Variants in MYBBP1A observed in about 807,000 individuals in gnomAD.
MYBBP1A encodes the protein MYB binding protein 1a.
In MYBBP1A, 147 loss-of-function variants were observed where a neutral mutation model predicts 136.3. The observed-to-expected ratio is 1.08, with a 90% confidence interval of 0.94 to 1.24. MYBBP1A has a LOEUF of 1.24. Among genes scored for constraint, MYBBP1A ranks in the 50% most tolerant of loss-of-function variants. The pLI is 0.00. For missense variants in MYBBP1A, 2,060 were observed against 1,727.4 expected (o/e 1.19, Z -3.41); for synonymous variants, 947 against 735.8 (o/e 1.29, Z -4.65).
At chr17:4,553,786 C>T (rs749940930) in intron 5 of MYBBP1A, 24 bp downstream of exon 5, 2 of 1,592,276 alleles carry the variant, frequency 1.3e-6, no homozygotes, top group Admixed American at 1.7e-5. Context: ...GTTGCCTGGG[C>T]CCGCACAGCT....
intron 22 of MYBBP1A, 54 bp from the exon 23 acceptor site, chr17:4,541,945 G>T: frequency 6.9e-7 from 1 of 1,453,276 alleles, no homozygotes; most frequent in Non-Finnish European, 9.6e-7. Context: ...GGTGCTCACG[G>T]CTCAGGGATG....
In MYBBP1A at chr17:4,550,062, G is replaced by T; in HGVS notation, c.1315C>A (p.His439Asn). The change falls in exon 9 of 26, where the codon CAC becomes AAC. Residue 439 changes from histidine (H) to asparagine (N), a missense_variant. His to Asn is a moderately conservative substitution (Grantham distance 68, BLOSUM62 1). Transcript: ENST00000254718. ...CCTCCCCCAAGGTCCACTCACATGT[G>T]GAGCGATGAATCCTGGGCTTTCTTC... Reference protein sequence around the residue: ...NQKKAQDSSLHMPERAVFRLR... With the variant: ...NQKKAQDSSLNMPERAVFRLR... The T allele has an allele frequency of 6.2e-7, 1 of 1,610,400 alleles. No homozygotes were observed. Among genetic ancestry groups the T allele is most frequent in the Non-Finnish European group, 8.5e-7 (1 of 1,177,432 alleles).
intron 8 of MYBBP1A, among the ~76,000 whole-genome samples, chr17:4,550,788 CA>C (rs1424030902): frequency 6.6e-6 from 1 of 152,262 alleles, no homozygotes. Context: ...TCTTCGGGAC[CA>C]AAAACAACCA....
At position 4,548,322 on chromosome 17, in the gene MYBBP1A, A is replaced by G. The variant is rs1374228759; in HGVS notation, c.1557-12T>C. The stretch of plus-strand genomic sequence containing the variant: ...GGGTCTGCAACAGACTGGGCAAGGG[A>G]TGGGGCTTGGGGTCAGCAGACCAGA... On this transcript the variant is annotated splice_polypyrimidine_tract_variant and intron_variant, in intron 11 of 25. Coordinates refer to ENST00000254718, the MANE Select transcript of MYBBP1A (RefSeq NM_014520.4). The surrounding 1 kb of genome is among the most constrained non-coding windows in gnomAD (Gnocchi z 4.2). 6.2e-7 allele frequency: 1 copy of G among 1,610,886 alleles called. No individual in the cohort carries two copies.
intron 2 of MYBBP1A, among the ~76,000 whole-genome samples, chr17:4,554,647 C>T (rs1907864230): frequency 6.6e-6 from 1 of 152,192 alleles, no homozygotes; most frequent in African/African-American, 2.4e-5. Flanking sequence ...GCCGGGCAAC[C>T]CAAGCACCAA....
Position 4,544,823 on chromosome 17 carries a change from A to C in MYBBP1A, c.2409T>G (p.Arg803=), listed in dbSNP as rs1230352003. ...TCTTCTCGTCTCGCCGGGCCTGGAT[A>C]CGCAGCTTCTGCTCGGCAAAGAGGC... ...LASLFAEQKL[R]IQARRDEKNK... The change falls in exon 18 of 26, where the codon CGT becomes CGG. Residue 803 remains arginine (R), a synonymous_variant. Coordinates refer to ENST00000254718, the MANE Select transcript of MYBBP1A (RefSeq NM_014520.4). 6.2e-7 allele frequency: 1 copy of C among 1,606,132 alleles called. No individual in the cohort carries two copies. Among genetic ancestry groups the C allele is most frequent in the South Asian group, 1.1e-5 (1 of 89,366 alleles).
chr17:4,540,793 G>A (rs112659707), intron 24 of MYBBP1A, among the ~76,000 whole-genome samples: 2 of 151,964 alleles, frequency 1.3e-5, no homozygotes, highest in African/African-American at 4.8e-5. Context: ...CTCCATCACC[G>A]CGGGGCTGCC....
Position 4,539,479 on chromosome 17 carries a change from C to G in MYBBP1A, c.3923G>C (p.Ser1308Thr), listed in dbSNP as rs766628903. 3 of 1,614,168 alleles carry G rather than the reference C, an allele frequency of 1.9e-6. No individual in the cohort carries two copies. Among genetic ancestry groups the G allele is most frequent in the Non-Finnish European group, 2.5e-6 (3 of 1,180,032 alleles). Residue 1308 changes from serine to threonine, a missense_variant, in exon 26 of 26, where the codon AGT becomes ACT. By Grantham distance (58) the Ser-to-Thr change is moderately conservative. Transcript: ENST00000254718. ...GGCCCCACTCTGAAGCAGGCTGGGA[C>G]TCCTGATGACCAAAGACAGCCTTGC... ...KKARLSLVIR[S>T]PSLLQSGAKK...
In MYBBP1A at chr17:4,554,296, G is replaced by A. The variant is rs747826805; in HGVS notation, c.295-18C>T. 3.7e-6 allele frequency: 6 copies of A among 1,611,610 alleles called. No homozygotes were observed. The Admixed American group carries it at 8.3e-5, about 22-fold the overall frequency. On this transcript the variant is annotated intron_variant, in intron 2 of 25. Transcript: ENST00000254718. ...TGTAACAGCTGCCAGGAGTTGTGTG[G>A]CAGGAGGAAGAGGGTTCAGGAGAGT...
At chr17:4,545,402 C>T in intron 15 of MYBBP1A, 57 bp from the exon 16 acceptor site, 1 of 1,597,818 alleles carries the variant, frequency 6.3e-7, no homozygotes, top group South Asian at 1.1e-5. Context: ...CTCTCCAGGC[C>T]CCACTCAGCC....
At position 4,552,840 on chromosome 17, in the gene MYBBP1A, A is replaced by AT. The variant is rs58061056; in HGVS notation, c.562-215dup. On this transcript the variant is annotated intron_variant, in intron 5 of 25. Coordinates refer to ENST00000254718, the MANE Select transcript of MYBBP1A (RefSeq NM_014520.4). The surrounding 1 kb of genome is among the most constrained non-coding windows in gnomAD (Gnocchi z 4.7). ...TGGAGGTACCTGCCCCCCACCCCTT[A>AT]TTTTTTTTTTTTAAGACAGAGTCTC... is the stretch of plus-strand genomic sequence containing the variant. 0.024 allele frequency among the ~76,000 whole-genome samples: 3,478 copies of AT among 147,982 alleles called. 147 individuals carry two copies. Among genetic ancestry groups the AT allele is most frequent in the African/African-American group, 0.082 (3,309 of 40,114 alleles).
At position 4,548,222 on chromosome 17, in the gene MYBBP1A, C is replaced by A; in HGVS notation, c.1645G>T (p.Ala549Ser). Residue 549 changes from alanine to serine, a missense_variant, in exon 12 of 26, where the codon GCA (alanine) becomes TCA (serine). By Grantham distance (99) the Ala-to-Ser change is moderately conservative. Coordinates refer to ENST00000254718, the MANE Select transcript of MYBBP1A (RefSeq NM_014520.4). This position sits in a 1 kb window ranked among gnomAD's most constrained non-coding sequence, Gnocchi z 4.2. ...TGGCTGTGATTCAACAGGAGGTCTG[C>A]GAACTGCACCAGGTGGTAGGTCCAG... is the stretch of plus-strand genomic sequence containing the variant. ...QPWTYHLVQF[A>S]DLLLNHSHNV... 1.9e-6 allele frequency: 3 copies of A among 1,610,368 alleles called. No homozygotes were observed. The highest frequency in any genetic ancestry group is 1.7e-6 in the Non-Finnish European group (2 of 1,179,948).
In MYBBP1A at chr17:4,541,558, G is replaced by C. The variant is rs573540438; in HGVS notation, c.3202C>G (p.Arg1068Gly). 3.7e-5 allele frequency: 59 copies of C among 1,611,906 alleles called. 1 individual carries two copies. In the Admixed American group the frequency reaches 9.0e-4, roughly 25 times the overall value. ...TTGGTCTGCGCCTCCCCCAGCACGC[G>C]CAAGTTCTAGGGAAGGGTGGCCAGG... ...QVLAKVTENLRVLGEAQTKAQ... is the reference protein window; with the variant it reads ...QVLAKVTENLGVLGEAQTKAQ... The change falls in exon 24 of 26, where the codon CGC (arginine) becomes GGC (glycine). Residue 1068 changes from arginine to glycine, a missense_variant. Coordinates refer to ENST00000254718, the MANE Select transcript of MYBBP1A (RefSeq NM_014520.4).
At position 4,542,921 on chromosome 17, in the gene MYBBP1A, C is replaced by T. The variant is rs145116086; in HGVS notation, c.2884G>A (p.Gly962Ser). The change falls in exon 20 of 26, where the codon GGC becomes AGC. Residue 962 changes from glycine to serine, a missense_variant. By Grantham distance (56) the Gly-to-Ser change is moderately conservative. Coordinates refer to ENST00000254718, the MANE Select transcript of MYBBP1A (RefSeq NM_014520.4). Reference protein sequence around the residue: ...AGTDPSHMPTGPQAASCLDLN... With the variant: ...AGTDPSHMPTSPQAASCLDLN... The stretch of plus-strand genomic sequence containing the variant: ...GGCCAGGCCCTGCTCACCTGCGGGC[C>T]CGTGGGCATGTGGCTGGGGTCAGTG... The T allele has an allele frequency of 4.2e-4, 672 of 1,613,806 alleles. 1 individual carries two copies. Among genetic ancestry groups the T allele is most frequent in the Middle Eastern group, 3.3e-4 (2 of 6,054 alleles).
In MYBBP1A at chr17:4,541,911, G is replaced by T. The variant is rs752784636; in HGVS notation, c.3088-20C>A. 6 of 1,602,518 alleles carry T rather than the reference G, an allele frequency of 3.7e-6. No individual in the cohort carries two copies. In the Admixed American group the frequency reaches 1.0e-4, roughly 27 times the overall value. Reference sequence around the variant, plus strand: ...GCAGGCCTGTGGGTGGGCAAAGGTGGGTGGCAGGAGCCTTGGCACGTTGGG... The same window carrying T: ...GCAGGCCTGTGGGTGGGCAAAGGTGTGTGGCAGGAGCCTTGGCACGTTGGG... On this transcript the variant is annotated intron_variant, in intron 22 of 25. Transcript: ENST00000254718.
intron 2 of MYBBP1A, 36 bp from the exon 3 acceptor site, chr17:4,554,314 A>T: frequency 6.3e-7 from 1 of 1,591,032 alleles, no homozygotes; most frequent in Non-Finnish European, 8.6e-7. Context: ...AAGAGGGTTC[A>T]GGAGAGTGGC....
chr17:4,543,815 C>T (rs1906690868), intron 19 of MYBBP1A, among the ~76,000 whole-genome samples: 1 of 152,284 alleles, frequency 6.6e-6, no homozygotes, highest in South Asian at 2.1e-4. Context: ...CCCTCTGCCT[C>T]CAGCACAGCC....
chr17:4,543,246 CT>C, intron 19 of MYBBP1A, 81 bp from the exon 20 acceptor site: 2 of 1,479,882 alleles, frequency 1.4e-6, no homozygotes, highest in Non-Finnish European at 1.8e-6. Flanking sequence ...CCAAGTCCCA[CT>C]TTATAAGTGG....
At chr17:4,543,765 TGCCTGTCTCTCCCAC>T (rs1305362826) in intron 19 of MYBBP1A, among the ~76,000 whole-genome samples, 3 of 152,044 alleles carry the variant, frequency 2.0e-5, no homozygotes, top group Non-Finnish European at 2.9e-5. Context: ...ACCAGGTGCC[TGCCTGTCTCTCCCAC>T]GCCTGCCACC....
Sources: allele counts gnomAD v4.1 joint callset (sites outside exome capture counted in the v4.1 genomes callset), GRCh38; gene constraint gnomAD v4.1.1; non-coding constraint Gnocchi (gnomAD v3.1); transcripts MANE v1.5; gene names NCBI Gene and HGNC (gene_info 2026-07-23, HGNC 2026-07-21).